Variants in FAH observed in about 807,000 individuals in gnomAD.
The protein encoded by FAH is fumarylacetoacetase.
Under a neutral mutation model 55.8 loss-of-function variants are expected in FAH, and 47 were observed. The ratio of observed to expected loss-of-function variants is 0.84; its 90% CI spans 0.67 to 1.07. The LOEUF (loss-of-function observed/expected upper bound fraction) is 1.07, where lower values mean the gene tolerates loss of function less well. FAH is among the 50% of genes least tolerant of loss of function. The pLI, the probability that FAH is intolerant of heterozygous loss-of-function variation, is 0.00. For missense variants in FAH, 495 were observed against 545.9 expected, an observed-to-expected ratio of 0.91 and a Z score of 0.93; for synonymous variants, 199 against 207.7, an observed-to-expected ratio of 0.96 and a Z score of 0.36.
At position 80,160,457 on chromosome 15, in the gene FAH, T is replaced by C; in HGVS notation, c.362T>C (p.Ile121Thr). 6.2e-7 allele frequency: 1 copy of C among 1,614,124 alleles called. No homozygotes were observed. The highest frequency in any genetic ancestry group is 2.2e-5 in the East Asian group (1 of 44,888). Residue 121 changes from isoleucine to threonine, a missense_variant and splice_region_variant, in exon 4 of 14, where the codon ATA becomes ACA. Ile to Thr is a moderately conservative substitution (Grantham distance 89, BLOSUM62 -1). Coordinates refer to ENST00000561421, the MANE Select transcript of FAH (RefSeq NM_000137.4). The part of the protein sequence containing the change: ...ASATMHLPAT[I>T]GDYTDFYSSR... ...GCCACGATGCACCTTCCAGCCACCA[T>C]AGGTGAGTGCAGTCTCTTCACCAAG...
At chr15:80,161,843 A>G (rs2041152333) in intron 4 of FAH, among the ~76,000 whole-genome samples, 1 of 152,224 alleles carries the variant, frequency 6.6e-6, no homozygotes. Flanking sequence ...AGCGGGCCTC[A>G]AAGAGTTGCC....
intron 13 of FAH, 46 bp downstream of exon 13, chr15:80,181,205 A>G (rs369292902): frequency 1.7e-5 from 23 of 1,369,760 alleles, no homozygotes; most frequent in African/African-American, 2.8e-5. Flanking sequence ...CTTGCCCGCC[A>G]TGCACTGTTC....
At chr15:80,164,047 T>A (rs1377824898) in intron 5 of FAH, among the ~76,000 whole-genome samples, 1 of 152,224 alleles carries the variant, frequency 6.6e-6, no homozygotes, top group Non-Finnish European at 1.5e-5. Context: ...AAAATATATA[T>A]GTACATACAC....
intron 5 of FAH, chr15:80,163,268 G>C (rs938391615): frequency 4.6e-5 from 7 of 152,380 alleles, no homozygotes. Flanking sequence ...TTCCACGTGA[G>C]ATGCGCAAAT....
At chr15:80,163,375 C>T (rs2041165832) in intron 5 of FAH, 1 of 152,312 alleles carries the variant, frequency 6.6e-6, no homozygotes, top group Non-Finnish European at 1.5e-5. Flanking sequence ...TATGAGTGTC[C>T]TTGGCAGTGA....
chr15:80,164,408 T>C (rs1467447726), intron 5 of FAH, among the ~76,000 whole-genome samples: 2 of 152,212 alleles, frequency 1.3e-5, no homozygotes, highest in Admixed American at 6.5e-5. Flanking sequence ...CCAGGGACAG[T>C]ATCCCTATCT....
intron 1 of FAH, chr15:80,157,791 C>T (rs2041111395): frequency 1.9e-6 from 1 of 513,762 alleles, no homozygotes; most frequent in South Asian, 2.1e-5. Context: ...TGGCTAGGAC[C>T]AGGCTGACTG....
intron 13 of FAH, among the ~76,000 whole-genome samples, chr15:80,182,992 C>T (rs1002903837): frequency 6.6e-6 from 1 of 152,170 alleles, no homozygotes; most frequent in African/African-American, 2.4e-5. Flanking sequence ...CTGTCCAGGG[C>T]CTGGGAGAAA....
Position 80,173,016 on chromosome 15 carries a change from C to A in FAH, c.709C>A (p.Arg237=). Residue 237 remains arginine (R), a splice_region_variant and synonymous_variant, in exon 9 of 14, where the codon CGA becomes AGA. Coordinates refer to ENST00000561421, the MANE Select transcript of FAH (RefSeq NM_000137.4). ...CTGGCTGTGCCCTTCTTCTGCAGCACGAGACATTCAGAAGTGGGAGTATGT... is the reference window on the plus strand; with the variant it reads ...CTGGCTGTGCCCTTCTTCTGCAGCAAGAGACATTCAGAAGTGGGAGTATGT... The part of the protein sequence containing the change: ...GMVLMNDWSA[R]DIQKWEYVPL... 4 of 1,614,218 alleles carry A rather than the reference C, an allele frequency of 2.5e-6. No homozygotes were observed. Among genetic ancestry groups the A allele is most frequent in the Non-Finnish European group, 3.4e-6 (4 of 1,180,048 alleles).
chr15:80,185,830 G>C (rs1267543619), intron 13 of FAH, among the ~76,000 whole-genome samples: 4 of 152,188 alleles, frequency 2.6e-5, no homozygotes, highest in African/African-American at 9.6e-5. Context: ...AATTCAAAAT[G>C]AGGTTTGGCG....
At chr15:80,168,571 G>T (rs1437127378) in intron 7 of FAH, among the ~76,000 whole-genome samples, 2 of 152,206 alleles carry the variant, frequency 1.3e-5, no homozygotes, top group African/African-American at 2.4e-5. Flanking sequence ...GCTTTTGTGG[G>T]CATGTGTGGA....
intron 13 of FAH, among the ~76,000 whole-genome samples, chr15:80,184,685 A>G (rs1254472786): frequency 6.6e-6 from 1 of 152,154 alleles, no homozygotes; most frequent in African/African-American, 2.4e-5. Context: ...TGCTCTCGAC[A>G]AAGGGCATCC....
chr15:80,171,595 G>T (rs2041240949), intron 7 of FAH, among the ~76,000 whole-genome samples: 1 of 152,114 alleles, frequency 6.6e-6, no homozygotes, highest in East Asian at 1.9e-4. Context: ...CAAGTAGCTG[G>T]GACTGCGGAC....
At chr15:80,177,268 G>A (rs1024884086) in intron 10 of FAH, 1 of 493,728 alleles carries the variant, frequency 2.0e-6, no homozygotes, top group Non-Finnish European at 3.7e-6. Flanking sequence ...AGGATTCTGA[G>A]GCTACATATG....
intron 13 of FAH, 21 bp from the exon 14 acceptor site, chr15:80,186,109 C>T (rs758378828): frequency 1.2e-6 from 2 of 1,610,928 alleles, no homozygotes; most frequent in Admixed American, 3.3e-5. Flanking sequence ...TGTGACTGAT[C>T]CTTGTCCTCC....
At position 80,158,012 on chromosome 15, in the gene FAH, C is replaced by T. The variant is rs754859636; in HGVS notation, c.82-48C>T. On this transcript the variant is annotated intron_variant, in intron 1 of 13. Coordinates refer to ENST00000561421, the MANE Select transcript of FAH (RefSeq NM_000137.4). The stretch of plus-strand genomic sequence containing the variant: ...AGGCTTTCTGAGTAAATGAGCCAAG[C>T]CCAGCCAGGGGCTTTTTCTGGTGCT... The T allele has an allele frequency of 4.9e-6, 7 of 1,443,122 alleles. No homozygotes were observed. The Admixed American group carries it at 1.0e-4, about 21-fold the overall frequency. 89.4% of individuals were successfully genotyped at this position (1,443,122 alleles called of 1,614,324 possible).
At chr15:80,159,237 A>C (rs554618752) in intron 2 of FAH, among the ~76,000 whole-genome samples, 62 of 152,016 alleles carry the variant, frequency 4.1e-4, no homozygotes, top group Non-Finnish European at 8.1e-4. Flanking sequence ...GAAAAAAAAA[A>C]ACAACTTTTT....
Position 80,162,228 on chromosome 15 carries a change from T to G in FAH, c.365-18T>G. 6.2e-7 allele frequency: 1 copy of G among 1,605,296 alleles called. No individual in the cohort carries two copies. Among genetic ancestry groups the G allele is most frequent in the African/African-American group, 1.3e-5 (1 of 74,824 alleles). ...CATGTGGGTTGCTGATGGGATCTGTTGGGTCTTTCCTCTGCAGGAGACTAC... is the reference window on the plus strand; with the variant it reads ...CATGTGGGTTGCTGATGGGATCTGTGGGGTCTTTCCTCTGCAGGAGACTAC... On this transcript the variant is annotated intron_variant, in intron 4 of 13. Coordinates refer to ENST00000561421, the MANE Select transcript of FAH (RefSeq NM_000137.4).
At chr15:80,163,179 A>T (rs4778583) in intron 5 of FAH, 91,219 of 152,154 alleles carry the variant, frequency 0.6, 27,526 homozygotes, top group East Asian at 0.78. Flanking sequence ...CAAGCCAGAG[A>T]TGTTGAACAA....
Sources: gnomAD v4.1 joint callset for allele counts (sites outside exome capture counted in the v4.1 genomes callset) on GRCh38, gnomAD v4.1.1 for gene constraint, MANE v1.5 for transcripts, NCBI Gene and HGNC (gene_info 2026-07-23, HGNC 2026-07-21) for gene names.